Variants in WWP2 observed in about 807,000 individuals in gnomAD.
WWP2 encodes NEDD4-like E3 ubiquitin-protein ligase WWP2.
WWP2 carries 57 observed loss-of-function variants against 121.0 expected under a neutral mutation model. That is an observed-to-expected ratio of 0.47 (90% CI 0.38 to 0.59). WWP2 has a LOEUF of 0.59. WWP2 is among the 20% of genes least tolerant of loss of function. WWP2 has a pLI of 0.00. For missense variants in WWP2, 962 were observed against 1,158.9 expected (o/e 0.83, Z 2.47); for synonymous variants, 449 against 441.3 (o/e 1.02, Z -0.22).
At chr16:69,903,995 T>C (rs1056600525) in intron 8 of WWP2, among the ~76,000 whole-genome samples, 1 of 152,176 alleles carries the variant, frequency 6.6e-6, no homozygotes, top group Non-Finnish European at 1.5e-5. Flanking sequence ...TCTTCGGGAG[T>C]GCTGGAGAGT....
At chr16:69,770,036 AT>A (rs1294700142) in intron 1 of WWP2, among the ~76,000 whole-genome samples, 9 of 151,918 alleles carry the variant, frequency 5.9e-5, no homozygotes, top group Non-Finnish European at 1.0e-4. Flanking sequence ...TAATTTTTGT[AT>A]TTTTAGTAGA....
At chr16:69,911,658 A>C (rs1004747522) in intron 9 of WWP2, among the ~76,000 whole-genome samples, 42 of 152,172 alleles carry the variant, frequency 2.8e-4, no homozygotes, top group African/African-American at 9.4e-4. Flanking sequence ...AAAGAGTGCA[A>C]TCGTGCTTCT....
chr16:69,767,833 T>G (rs1228747916), intron 1 of WWP2, among the ~76,000 whole-genome samples: 1 of 152,176 alleles, frequency 6.6e-6, no homozygotes, highest in East Asian at 1.9e-4. Flanking sequence ...TTCTTTTCTT[T>G]CTTCTTTATT....
chr16:69,873,596 A>G (rs2057682218), intron 7 of WWP2, among the ~76,000 whole-genome samples: 1 of 152,190 alleles, frequency 6.6e-6, no homozygotes, highest in African/African-American at 2.4e-5. Flanking sequence ...TGTGAAGGAG[A>G]CAGCAAAGTG....
intron 6 of WWP2, among the ~76,000 whole-genome samples, chr16:69,847,619 G>T (rs938517864): frequency 6.6e-6 from 1 of 151,894 alleles, no homozygotes; most frequent in African/African-American, 2.4e-5. Flanking sequence ...TGTTGGTCAG[G>T]CTGGTCTCGA....
chr16:69,835,792 A>C (rs1478205952), intron 4 of WWP2, among the ~76,000 whole-genome samples: 3 of 146,264 alleles, frequency 2.1e-5, no homozygotes, highest in African/African-American at 7.6e-5. Context: ...TGCTCATATA[A>C]AACCAAAGTA....
intron 4 of WWP2, among the ~76,000 whole-genome samples, chr16:69,825,951 A>G (rs1309009782): frequency 3.9e-5 from 6 of 152,116 alleles, no homozygotes; most frequent in Non-Finnish European, 1.5e-5. Flanking sequence ...ACTTTTTACT[A>G]TGGAAAATTT....
chr16:69,768,233 G>A (rs550370957), intron 1 of WWP2, among the ~76,000 whole-genome samples: 2 of 152,130 alleles, frequency 1.3e-5, no homozygotes, highest in Non-Finnish European at 2.9e-5. Flanking sequence ...TTTTTAGAAG[G>A]TTGCAGTTCC....
chr16:69,892,321 C>G (rs1182104446), intron 8 of WWP2, among the ~76,000 whole-genome samples: 1 of 152,052 alleles, frequency 6.6e-6, no homozygotes, highest in Non-Finnish European at 1.5e-5. Context: ...AGGTATTTCT[C>G]CTAATGCTAT....
chr16:69,932,887 C>T (rs1597182738), intron 16 of WWP2, among the ~76,000 whole-genome samples: 1 of 152,234 alleles, frequency 6.6e-6, no homozygotes, highest in African/African-American at 2.4e-5. Context: ...TGGCCCGCAG[C>T]GACCTCTCCG....
intron 6 of WWP2, among the ~76,000 whole-genome samples, chr16:69,851,983 T>TAAAACAAAACAAAAC (rs58923591): frequency 0.12 from 18,126 of 150,292 alleles, 1,427 homozygotes; most frequent in East Asian, 0.35. Flanking sequence ...AGATTCCAGC[T>TAAAACAAAACAAAAC]AAAACAAAAC....
rs3051446 is a variant in WWP2 at position 69,912,369 on chromosome 16, TCACACACACACACACACACA to T, written c.1004+3542_1004+3561del. Among the ~76,000 whole-genome samples, 109 of 140,292 alleles carry T rather than the reference TCACACACACACACACACACA, an allele frequency of 7.8e-4. 2 individuals carry two copies. The highest frequency in any genetic ancestry group is 2.2e-3 in the African/African-American group (84 of 37,542). 92.0% of individuals were successfully genotyped at this position (140,292 alleles called of 152,430 possible). Reference sequence around the variant, plus strand: ...TGGAAGTTTGTGCAGGGAGTTAGATTCACACACACACACACACACACACACACACACACACACACACAGCC... The same window carrying T: ...TGGAAGTTTGTGCAGGGAGTTAGATTCACACACACACACACACACACAGCC... On this transcript the variant is annotated intron_variant, in intron 9 of 23. Transcript: ENST00000359154.
chr16:69,798,603 A>G, intron 2 of WWP2, 79 bp from the exon 3 acceptor site: 1 of 1,471,208 alleles, frequency 6.8e-7, no homozygotes, highest in Non-Finnish European at 9.1e-7. Flanking sequence ...ATAACTAAAA[A>G]GAGCCGGAAC....
intron 16 of WWP2, among the ~76,000 whole-genome samples, chr16:69,932,718 TG>T (rs1330875494): frequency 3.9e-5 from 6 of 152,198 alleles, no homozygotes; most frequent in African/African-American, 1.2e-4. Context: ...GTCACATGCC[TG>T]GGGTCAGTAA....
chr16:69,794,526 C>A (rs2055985660), intron 2 of WWP2, among the ~76,000 whole-genome samples: 1 of 150,702 alleles, frequency 6.6e-6, no homozygotes, highest in African/African-American at 2.4e-5. Flanking sequence ...GAGACCCGGT[C>A]TCAAAAAAAA....
intron 6 of WWP2, among the ~76,000 whole-genome samples, chr16:69,860,926 G>C (rs188766829): frequency 6.6e-6 from 1 of 152,230 alleles, no homozygotes; most frequent in East Asian, 1.9e-4. Context: ...TTCTGGTCTG[G>C]AGCTATAGTA....
chr16:69,873,999 G>A lies in WWP2; in HGVS notation c.703+2068G>A, dbSNP rs376532142. 4.6e-5 allele frequency among the ~76,000 whole-genome samples: 7 copies of A among 152,234 alleles called. No homozygotes were observed. The South Asian group carries it at 6.2e-4, about 14-fold the overall frequency. On this transcript the variant is annotated intron_variant, in intron 7 of 23. Coordinates refer to ENST00000359154, the MANE Select transcript of WWP2 (RefSeq NM_001270454.2). Reference sequence around the variant, plus strand: ...CTAGCAGACAAGGCAGGTGCCAGCCGTGTCTTCAAAAGCCAGGCGTCTCTA... The same window carrying A: ...CTAGCAGACAAGGCAGGTGCCAGCCATGTCTTCAAAAGCCAGGCGTCTCTA...
In WWP2 at chr16:69,925,598, C is replaced by T; in HGVS notation, c.1234+114C>T. 7.3e-7 allele frequency: 1 copy of T among 1,369,632 alleles called. No homozygotes were observed. The allele number at this position is 1,369,632 out of a possible 1,614,324, so 84.8% of individuals were successfully genotyped here. On this transcript the variant is annotated intron_variant, in intron 11 of 23. Transcript: ENST00000359154. The surrounding 1 kb of genome is among the most constrained non-coding windows in gnomAD (Gnocchi z 4.0). ...CTGTCCCTCTGTTTTCCATCTCTCC[C>T]CTCTCCAGCACACTCTCTGGGCATG... is the stretch of plus-strand genomic sequence containing the variant.
At chr16:69,874,503 C>T (rs1169236348) in intron 7 of WWP2, among the ~76,000 whole-genome samples, 2 of 152,138 alleles carry the variant, frequency 1.3e-5, no homozygotes, top group African/African-American at 2.4e-5. Context: ...GAGGCCAAAC[C>T]GGAGCTGGGT....
Sources: allele counts gnomAD v4.1 joint callset (sites outside exome capture counted in the v4.1 genomes callset), GRCh38; gene constraint gnomAD v4.1.1; non-coding constraint Gnocchi (gnomAD v3.1); transcripts MANE v1.5; gene names NCBI Gene and HGNC (gene_info 2026-07-23, HGNC 2026-07-21).